TMC1: variants seen among roughly 807,000 people sequenced by gnomAD.
TMC1 encodes transmembrane channel-like protein 1.
TMC1 carries 84 observed loss-of-function variants against 105.8 expected under a neutral mutation model. The observed-to-expected ratio is 0.79, with a 90% CI of 0.67 to 0.95. The LOEUF (loss-of-function observed/expected upper bound fraction) is 0.95, where lower values mean the gene tolerates loss of function less well. TMC1 is among the 40% of genes least tolerant of loss of function. The pLI is 0.00. For synonymous variants in TMC1, 315 were observed against 311.5 expected (o/e 1.01, Z -0.12); for missense variants, 817 against 914.1 (o/e 0.89, Z 1.37).
At chr9:72,772,779 C>A (rs1482124290) in intron 13 of TMC1, among the ~76,000 whole-genome samples, 1 of 152,054 alleles carries the variant, frequency 6.6e-6, no homozygotes, top group Non-Finnish European at 1.5e-5. Flanking sequence ...TGGGGTCAGA[C>A]CAATGCTTGC....
chr9:72,774,206 C>A (rs1827973648), intron 13 of TMC1, among the ~76,000 whole-genome samples: 1 of 152,120 alleles, frequency 6.6e-6, no homozygotes, highest in South Asian at 2.1e-4. Context: ...AAATGATTTT[C>A]TGGCAGATGA....
intron 8 of TMC1, among the ~76,000 whole-genome samples, chr9:72,702,317 C>G (rs751204236): frequency 1.3e-5 from 2 of 152,110 alleles, no homozygotes; most frequent in Non-Finnish European, 2.9e-5. Context: ...CCGTATCTCT[C>G]GTGCAGGATC....
At chr9:72,834,177 C>T (rs1829084548) in intron 23 of TMC1, among the ~76,000 whole-genome samples, 1 of 152,064 alleles carries the variant, frequency 6.6e-6, no homozygotes, top group Admixed American at 6.6e-5. Flanking sequence ...TTAGTTTCTG[C>T]AAGCTGTTTT....
At chr9:72,658,342 A>G (rs1050558433) in intron 5 of TMC1, among the ~76,000 whole-genome samples, 1 of 152,130 alleles carries the variant, frequency 6.6e-6, no homozygotes, top group Non-Finnish European at 1.5e-5. Context: ...TAAAAAAAAA[A>G]AAAAAACTAT....
At chr9:72,830,736 T>TTA in intron 23 of TMC1, 54 bp downstream of exon 23, 56 of 1,475,750 alleles carry the variant, frequency 3.8e-5, no homozygotes, top group Middle Eastern at 2.0e-4. Context: ...TTCTTTTTCT[T>TTA]TCTTTTTTTT....
chr9:72,765,632 G>A (rs1160498180), intron 12 of TMC1, among the ~76,000 whole-genome samples: 1 of 145,006 alleles, frequency 6.9e-6, no homozygotes, highest in Non-Finnish European at 1.5e-5. Context: ...AGGTGAGCCT[G>A]TCATACTAAA....
intron 13 of TMC1, among the ~76,000 whole-genome samples, chr9:72,782,675 G>A (rs909937994): frequency 1.3e-5 from 2 of 152,160 alleles, no homozygotes; most frequent in Non-Finnish European, 2.9e-5. Context: ...AACCAGGAAT[G>A]CAATTTCATT....
At chr9:72,542,835 G>A (rs554809112) in intron 1 of TMC1, among the ~76,000 whole-genome samples, 5 of 151,786 alleles carry the variant, frequency 3.3e-5, no homozygotes, top group African/African-American at 9.6e-5. Context: ...GCCTGCCACC[G>A]CGCCCAGCTA....
At chr9:72,780,024 AC>A (rs1341342288) in intron 13 of TMC1, among the ~76,000 whole-genome samples, 1 of 152,166 alleles carries the variant, frequency 6.6e-6, no homozygotes, top group Non-Finnish European at 1.5e-5. Flanking sequence ...GAAGGGAAAG[AC>A]ATCTATAAAA....
intron 17 of TMC1, among the ~76,000 whole-genome samples, chr9:72,796,085 A>T (rs954101767): frequency 7.2e-5 from 11 of 151,860 alleles, no homozygotes; most frequent in Admixed American, 2.0e-4. Context: ...CAACAAAGAT[A>T]AAAAAAAGGC....
chr9:72,638,729 A>G (rs932643380), intron 4 of TMC1, among the ~76,000 whole-genome samples: 1 of 152,184 alleles, frequency 6.6e-6, no homozygotes, highest in African/African-American at 2.4e-5. Flanking sequence ...GTCATCTCCC[A>G]TGGAGAGGGC....
At chr9:72,683,733 T>TTATG (rs1826329019) in intron 5 of TMC1, among the ~76,000 whole-genome samples, 2 of 53,404 alleles carry the variant, frequency 3.7e-5, no homozygotes, top group South Asian at 1.5e-3. Context: ...GTTACACATT[T>TTATG]TATATATATA....
chr9:72,688,648 C>A (rs1049333804), intron 5 of TMC1, 61 bp from the exon 6 acceptor site: 1 of 1,436,182 alleles, frequency 7.0e-7, no homozygotes, highest in Non-Finnish European at 9.7e-7. Context: ...AAGTAAAAAC[C>A]ACTTACTAAC....
intron 2 of TMC1, among the ~76,000 whole-genome samples, chr9:72,611,852 C>T (rs1401939897): frequency 6.8e-6 from 1 of 146,862 alleles, no homozygotes; most frequent in Non-Finnish European, 1.5e-5. Flanking sequence ...TCCTGTTAAA[C>T]ATCACAGCAC....
At chr9:72,563,078 CAT>C (rs10564289) in intron 1 of TMC1, among the ~76,000 whole-genome samples, 80,332 of 151,842 alleles carry the variant, frequency 0.53, 22,309 homozygotes, top group African/African-American at 0.71. Flanking sequence ...GATTTACAAA[CAT>C]AGAGTACAGC....
At chr9:72,810,148 A>C (rs1224446707) in intron 18 of TMC1, among the ~76,000 whole-genome samples, 1 of 151,866 alleles carries the variant, frequency 6.6e-6, no homozygotes, top group Non-Finnish European at 1.5e-5. Context: ...AAAAAAAAAA[A>C]AAAAAAAACT....
chr9:72,694,421 G>T (rs1260413836), intron 6 of TMC1, 122 bp from the exon 7 acceptor site: 4 of 799,028 alleles, frequency 5.0e-6, no homozygotes, highest in African/African-American at 1.7e-5. Flanking sequence ...CCATCACGAT[G>T]TGGAGAATTG....
chr9:72,581,217 A>G (rs930406737), intron 2 of TMC1, among the ~76,000 whole-genome samples: 5 of 152,230 alleles, frequency 3.3e-5, no homozygotes, highest in Admixed American at 6.5e-5. Flanking sequence ...CATCACCCTT[A>G]ACTAGCATAA....
intron 2 of TMC1, among the ~76,000 whole-genome samples, chr9:72,604,503 AGTTTCTGGGCTCTG>A (rs1173809799): frequency 6.6e-6 from 1 of 152,168 alleles, no homozygotes; most frequent in Non-Finnish European, 1.5e-5. Flanking sequence ...TGGCCAGAAA[AGTTTCTGGGCTCTG>A]GTATTGCAGT....
Sources: gnomAD v4.1 joint callset for allele counts (sites outside exome capture counted in the v4.1 genomes callset) on GRCh38, gnomAD v4.1.1 for gene constraint, MANE v1.5 for transcripts, NCBI Gene and HGNC (gene_info 2026-07-23, HGNC 2026-07-21) for gene names.